COL4A2: variants seen among roughly 807,000 people sequenced by gnomAD.
The protein encoded by COL4A2 is collagen type IV alpha 2 chain.
In COL4A2, 99 loss-of-function variants were observed where a neutral mutation model predicts 200.2. The observed-to-expected ratio is 0.49, with a 90% CI of 0.42 to 0.58. The LOEUF is 0.58. Among genes scored for constraint, COL4A2 ranks in the 20% least tolerant of loss-of-function variants. The probability of loss-of-function intolerance (pLI) is 0.00; values close to 1 mark genes in which losing one functional copy is unlikely to be tolerated. For missense variants in COL4A2, 1,950 were observed against 2,314.1 expected, an observed-to-expected ratio of 0.84 and a Z score of 3.23; for synonymous variants, 897 against 900.6, an observed-to-expected ratio of 1.00 and a Z score of 0.07.
At chr13:110,406,005 T>C (rs1879553549) in intron 4 of COL4A2, among the ~76,000 whole-genome samples, 3 of 152,216 alleles carry the variant, frequency 2.0e-5, no homozygotes, top group Non-Finnish European at 4.4e-5. Flanking sequence ...GCTCTTGCAG[T>C]GATCAAGTGT....
At chr13:110,328,322 A>G (rs966375074) in intron 3 of COL4A2, 17 of 152,160 alleles carry the variant, frequency 1.1e-4, no homozygotes, top group Non-Finnish European at 1.6e-4. Context: ...TGTTTTCAAA[A>G]TTTTCCAATT....
At chr13:110,365,725 G>A (rs9521721) in intron 4 of COL4A2, among the ~76,000 whole-genome samples, 60,618 of 151,982 alleles carry the variant, frequency 0.4, 12,217 homozygotes, top group Middle Eastern at 0.56. Context: ...CATCCTCCCC[G>A]GTTCATTGAC....
At chr13:110,494,839 T>C (rs986260466) in intron 39 of COL4A2, among the ~76,000 whole-genome samples, 3 of 152,250 alleles carry the variant, frequency 2.0e-5, no homozygotes, top group Non-Finnish European at 4.4e-5. Context: ...TATGTGTGTA[T>C]ATTACACGTA....
intron 21 of COL4A2, 58 bp from the exon 22 acceptor site, chr13:110,458,713 T>A: frequency 6.2e-7 from 1 of 1,606,204 alleles, no homozygotes; most frequent in Non-Finnish European, 8.5e-7. Flanking sequence ...GATACCCCTC[T>A]CCCCGCCACG....
chr13:110,357,833 A>G (rs140230693), intron 4 of COL4A2, among the ~76,000 whole-genome samples: 5 of 152,330 alleles, frequency 3.3e-5, no homozygotes, highest in African/African-American at 1.2e-4. Context: ...GAAAGTAAAA[A>G]GATGTAAAAT....
chr13:110,491,900 AC>A (rs2139536963), intron 37 of COL4A2, among the ~76,000 whole-genome samples, 169 bp from the exon 38 acceptor site: 1 of 152,310 alleles, frequency 6.6e-6, no homozygotes, highest in East Asian at 1.9e-4. Context: ...GGGGTCTAAG[AC>A]CACCTGCATC....
At chr13:110,316,115 C>T (rs1210342177) in intron 3 of COL4A2, among the ~76,000 whole-genome samples, 3 of 152,084 alleles carry the variant, frequency 2.0e-5, no homozygotes, top group East Asian at 1.9e-4. Flanking sequence ...TGTTTTGTTG[C>T]TTTTACCCAG....
Position 110,495,349 on chromosome 13 carries a change from C to T in COL4A2, c.3642C>T (p.Asp1214=), listed in dbSNP as rs115373326. The part of the protein sequence containing the change: ...TKGFPGSPGS[D]IHGDPGFPGP... ...GTTATAACTCTTCCACAGGTTCTGA[C>T]ATCCACGGAGACCCAGGCTTCCCAG... The change falls in exon 40 of 48, where the codon GAC becomes GAT. Residue 1214 remains aspartate, a synonymous_variant. Transcript: ENST00000360467. 1,278 of 1,614,156 alleles carry T rather than the reference C, an allele frequency of 7.9e-4. 8 individuals carry two copies. The African/African-American group carries it at 0.015, about 19-fold the overall frequency.
intron 17 of COL4A2, 113 bp from the exon 18 acceptor site, chr13:110,446,685 C>A: frequency 1.2e-6 from 1 of 837,808 alleles, no homozygotes; most frequent in Non-Finnish European, 1.9e-6. Context: ...GTTGAAATAG[C>A]TGCTCTGCCA....
At chr13:110,446,318 G>A (rs960071981) in intron 17 of COL4A2, among the ~76,000 whole-genome samples, 1 of 152,160 alleles carries the variant, frequency 6.6e-6, no homozygotes, top group East Asian at 1.9e-4. Context: ...GAACCTGGGT[G>A]GGGGCACATC....
intron 4 of COL4A2, among the ~76,000 whole-genome samples, chr13:110,405,558 C>A (rs183386286): frequency 6.6e-6 from 1 of 152,126 alleles, no homozygotes; most frequent in Non-Finnish European, 1.5e-5. Context: ...CCACGTTAGA[C>A]AGGGGGAGAA....
At chr13:110,510,673 G>GTGTGTGCA (rs747964446) in intron 47 of COL4A2, among the ~76,000 whole-genome samples, 4 of 152,218 alleles carry the variant, frequency 2.6e-5, no homozygotes, top group African/African-American at 4.8e-5. Flanking sequence ...TGTACACCAT[G>GTGTGTGCA]TGTGTGCATG....
chr13:110,456,970 G>A (rs1881770636), intron 20 of COL4A2: 4 of 430,094 alleles, frequency 9.3e-6, no homozygotes, highest in African/African-American at 5.4e-5. Context: ...CCAGGCGTCC[G>A]TGGGGCTCAT....
At position 110,508,023 on chromosome 13, in the gene COL4A2, C is replaced by A; in HGVS notation, c.4683C>A (p.Asn1561Lys). 1 of 1,614,226 alleles carries A rather than the reference C, an allele frequency of 6.2e-7. No individual in the cohort carries two copies. The highest frequency in any genetic ancestry group is 8.5e-7 in the Non-Finnish European group (1 of 1,180,038). Residue 1561 changes from asparagine to lysine, a missense_variant, in exon 47 of 48, where the codon AAC becomes AAA. Asn to Lys is a moderately conservative substitution (Grantham distance 94). Around this residue, in one of 2 missense-constraint regions of COL4A2, gnomAD observed 1,385 missense variants for 1,720.5 expected, o/e 0.80. Transcript: ENST00000360467. This position sits in a 1 kb window ranked among gnomAD's most constrained non-coding sequence, Gnocchi z 6.1. ...ATGTCTGCTACTATGCCAGCCGGAA[C>A]GACAAGTCCTACTGGCTCTCTACCA... ...PGDVCYYASR[N>K]DKSYWLSTTA...
chr13:110,341,767 G>T (rs1379341536), intron 3 of COL4A2, among the ~76,000 whole-genome samples: 1 of 152,184 alleles, frequency 6.6e-6, no homozygotes, highest in Non-Finnish European at 1.5e-5. Context: ...CTGTCTCGCT[G>T]CCAGAGGGCC....
chr13:110,315,230 G>T (rs576220379), intron 3 of COL4A2, among the ~76,000 whole-genome samples: 1 of 152,338 alleles, frequency 6.6e-6, no homozygotes, highest in African/African-American at 2.4e-5. Context: ...CACATGGCTG[G>T]AGCCTCTGTC....
chr13:110,329,936 C>G (rs117732883), intron 3 of COL4A2, among the ~76,000 whole-genome samples: 1 of 152,226 alleles, frequency 6.6e-6, no homozygotes, highest in East Asian at 1.9e-4. Context: ...TACGATATGA[C>G]GAGGCCAACT....
intron 24 of COL4A2, among the ~76,000 whole-genome samples, chr13:110,464,797 C>T (rs1221377358): frequency 2.6e-5 from 4 of 152,158 alleles, no homozygotes; most frequent in Admixed American, 1.3e-4. Context: ...GTGGTGTGTG[C>T]GCAGATCACA....
chr13:110,307,569 G>T lies in COL4A2; in HGVS notation c.-45+41G>T. ...GAGCGGCGCCCAGACCCTGGCCCGAGAGCACCGACTTGGAGCGCCTTGTGC... is the reference window on the plus strand; with the variant it reads ...GAGCGGCGCCCAGACCCTGGCCCGATAGCACCGACTTGGAGCGCCTTGTGC... On this transcript the variant is annotated intron_variant, in intron 1 of 47. Coordinates refer to ENST00000360467, the MANE Select transcript of COL4A2 (RefSeq NM_001846.4). This position sits in a 1 kb window ranked among gnomAD's most constrained non-coding sequence, Gnocchi z 5.0. 2.8e-6 allele frequency: 1 copy of T among 356,010 alleles called. No homozygotes were observed. Among genetic ancestry groups the T allele is most frequent in the Non-Finnish European group, 5.0e-6 (1 of 198,322 alleles). 22.1% of individuals were successfully genotyped at this position (356,010 alleles called of 1,614,324 possible). A position where few individuals can be genotyped will look rare whatever the true frequency, so the allele number is the denominator to read the frequency against.
Sources: gnomAD v4.1 joint callset for allele counts (sites outside exome capture counted in the v4.1 genomes callset) on GRCh38, gnomAD v4.1.1 for gene constraint, gnomAD v4.1.1 regional missense constraint, Gnocchi (gnomAD v3.1) non-coding constraint, MANE v1.5 for transcripts, NCBI Gene and HGNC (gene_info 2026-07-23, HGNC 2026-07-21) for gene names.